Variants in BUB1B observed in about 807,000 individuals in gnomAD.
BUB1B encodes the protein BUB1 mitotic checkpoint serine/threonine kinase B.
In BUB1B, 86 loss-of-function variants were observed where a neutral mutation model predicts 137.7. The observed-to-expected ratio is 0.62, with a 90% CI of 0.52 to 0.75. The LOEUF is 0.75. Among genes scored for constraint, BUB1B ranks in the 30% least tolerant of loss-of-function variants. The pLI, the probability that BUB1B is intolerant of heterozygous loss-of-function variation, is 0.00. For missense variants in BUB1B, 1,130 were observed against 1,236.9 expected, an observed-to-expected ratio of 0.91 and a Z score of 1.30; for synonymous variants, 420 against 417.9, an observed-to-expected ratio of 1.00 and a Z score of -0.06.
chr15:40,201,651 A>T (rs962227793), intron 12 of BUB1B, among the ~76,000 whole-genome samples: 3 of 152,088 alleles, frequency 2.0e-5, no homozygotes, highest in East Asian at 1.9e-4. Context: ...AACAAACTTT[A>T]AAAAAATTTT....
intron 4 of BUB1B, among the ~76,000 whole-genome samples, chr15:40,171,405 G>A (rs2037161188): frequency 6.6e-6 from 1 of 152,050 alleles, no homozygotes; most frequent in Non-Finnish European, 1.5e-5. Context: ...AATTAACCAG[G>A]TGTGGTGGCA....
At chr15:40,163,024 TC>T (rs1376083581) in intron 1 of BUB1B, among the ~76,000 whole-genome samples, 10 of 152,200 alleles carry the variant, frequency 6.6e-5, no homozygotes, top group African/African-American at 2.4e-4. Flanking sequence ...TTTCATGTTT[TC>T]CGCATGTCTG....
rs1378857513 is a variant in BUB1B, at chr15:40,180,247, GTTTC to G, written c.582-3463_582-3460del. On this transcript the variant is annotated intron_variant, in intron 5 of 22. Transcript: ENST00000287598. ...ATATAGAATTCTGGGTCAACGTTTCGTTTCTTTTTTTTTTTTTTTTTTTTGAGAT... is the reference window on the plus strand; with the variant it reads ...ATATAGAATTCTGGGTCAACGTTTCGTTTTTTTTTTTTTTTTTTTTGAGAT... 5.2e-3 allele frequency among the ~76,000 whole-genome samples: 567 copies of G among 108,760 alleles called. 12 individuals carry two copies. The highest frequency in any genetic ancestry group is 0.014 in the Middle Eastern group (3 of 222). 71.4% of individuals were successfully genotyped at this position (108,760 alleles called of 152,430 possible).
intron 5 of BUB1B, among the ~76,000 whole-genome samples, chr15:40,183,139 A>AT (rs2037314708): frequency 6.6e-6 from 1 of 152,160 alleles, no homozygotes. Flanking sequence ...GGAATGGAGA[A>AT]TCTCTTCTGA....
rs990543728 is a variant in BUB1B, at chr15:40,164,908, A to G, written c.36-145A>G. The G allele has an allele frequency of 4.8e-6, 5 of 1,041,456 alleles. No homozygotes were observed. In the African/African-American group the frequency reaches 8.0e-5, roughly 17 times the overall value. 64.5% of individuals were successfully genotyped at this position (1,041,456 alleles called of 1,614,324 possible). On this transcript the variant is annotated intron_variant, in intron 1 of 22. Coordinates refer to ENST00000287598, the MANE Select transcript of BUB1B (RefSeq NM_001211.6). ...AAACAGCTAACAAAGAAGCTTAGGCATATAATAATAATAATAATTATGTGT... is the reference window on the plus strand; with the variant it reads ...AAACAGCTAACAAAGAAGCTTAGGCGTATAATAATAATAATAATTATGTGT...
chr15:40,182,708 C>A lies in BUB1B; in HGVS notation c.582-1006C>A, dbSNP rs113641362. ...AATTAGGAGATCCTCTTGTTCAGCT[C>A]ATTCCTTTGCAGTTCTCCTCCCATA... is the stretch of plus-strand genomic sequence containing the variant. On this transcript the variant is annotated intron_variant, in intron 5 of 22. Coordinates refer to ENST00000287598, the MANE Select transcript of BUB1B (RefSeq NM_001211.6). 6.1e-3 allele frequency among the ~76,000 whole-genome samples: 927 copies of A among 152,312 alleles called. 8 individuals are homozygous for A. Among genetic ancestry groups the A allele is most frequent in the African/African-American group, 0.021 (887 of 41,558 alleles).
chr15:40,220,983 A>C lies in BUB1B; in HGVS notation c.*224A>C. 1.7e-6 allele frequency: 1 copy of C among 573,778 alleles called. No homozygotes were observed. The highest frequency in any genetic ancestry group is 3.1e-6 in the Non-Finnish European group (1 of 320,900). 35.5% of individuals were successfully genotyped at this position (573,778 alleles called of 1,614,324 possible). A position where few individuals can be genotyped will look rare whatever the true frequency, so the allele number is the denominator to read the frequency against. ...TTTTGTGAAGAACTATTTTATTCTAAACAGACTCATTACAAATGGTTACCT... is the reference window on the plus strand; with the variant it reads ...TTTTGTGAAGAACTATTTTATTCTACACAGACTCATTACAAATGGTTACCT... On this transcript the variant is annotated 3_prime_UTR_variant, in exon 23 of 23. Coordinates refer to ENST00000287598, the MANE Select transcript of BUB1B (RefSeq NM_001211.6).
At chr15:40,196,241 G>A (rs1014361054) in intron 8 of BUB1B, among the ~76,000 whole-genome samples, 3 of 152,134 alleles carry the variant, frequency 2.0e-5, no homozygotes, top group African/African-American at 7.2e-5. Context: ...GTTGAATAGA[G>A]TATCTTTCCC....
chr15:40,210,604 A>C (rs2037698662), intron 18 of BUB1B, among the ~76,000 whole-genome samples: 1 of 152,022 alleles, frequency 6.6e-6, no homozygotes, highest in African/African-American at 2.4e-5. Flanking sequence ...CAACCTCTTG[A>C]GCTCAAGCAA....
chr15:40,165,297 A>C (rs141480116), intron 2 of BUB1B, 101 bp downstream of exon 2: 150 of 1,503,064 alleles, frequency 1.0e-4, no homozygotes, highest in Middle Eastern at 4.1e-4. Context: ...AGTACTTTTC[A>C]AAAATTGGTA....
chr15:40,210,310 T>C, intron 18 of BUB1B, 100 bp downstream of exon 18: 1 of 921,836 alleles, frequency 1.1e-6, no homozygotes, highest in Non-Finnish European at 1.7e-6. Flanking sequence ...ATAATCTCTT[T>C]CAATATGTCC....
chr15:40,166,695 T>G (rs2037102795), intron 2 of BUB1B, among the ~76,000 whole-genome samples: 1 of 152,238 alleles, frequency 6.6e-6, no homozygotes, highest in African/African-American at 2.4e-5. Flanking sequence ...AGAATAGATG[T>G]ATGTTTAACT....
intron 2 of BUB1B, 55 bp downstream of exon 2, chr15:40,165,251 T>G (rs2037082251): frequency 4.3e-6 from 7 of 1,611,592 alleles, no homozygotes; most frequent in Non-Finnish European, 5.9e-6. Context: ...ATGTTGTAGA[T>G]AACGTGGGTG....
In BUB1B at chr15:40,199,816, C is replaced by T. The variant is rs73390167; in HGVS notation, c.1401+89C>T. On this transcript the variant is annotated intron_variant, in intron 10 of 22. Transcript: ENST00000287598. Reference sequence around the variant, plus strand: ...ATATAGAAGGTTAAAGTCCTCCCAACCCCCATTTAGAGTTTCTGGTAGTTT... The same window carrying T: ...ATATAGAAGGTTAAAGTCCTCCCAATCCCCATTTAGAGTTTCTGGTAGTTT... The T allele has an allele frequency of 0.014, 14,178 of 1,034,190 alleles. 1,160 individuals carry two copies. In the African/African-American group the frequency reaches 0.19, roughly 14 times the overall value. The allele number at this position is 1,034,190 out of a possible 1,614,324, so 64.1% of individuals were successfully genotyped here.
chr15:40,192,652 T>C (rs2037451133), intron 8 of BUB1B, among the ~76,000 whole-genome samples: 1 of 152,200 alleles, frequency 6.6e-6, no homozygotes, highest in Non-Finnish European at 1.5e-5. Flanking sequence ...TCATAGTATA[T>C]GTAGCCTTTT....
chr15:40,187,236 C>T (rs1410949840), intron 8 of BUB1B, among the ~76,000 whole-genome samples: 7 of 152,098 alleles, frequency 4.6e-5, no homozygotes, highest in African/African-American at 1.4e-4. Flanking sequence ...CGCCATTCTC[C>T]TGCCTCAGCC....
chr15:40,202,289 A>G, intron 12 of BUB1B, 116 bp from the exon 13 acceptor site: 1 of 875,082 alleles, frequency 1.1e-6, no homozygotes, highest in Non-Finnish European at 1.8e-6. Flanking sequence ...TTGTTATTAA[A>G]AAAACAGGTT....
In BUB1B at chr15:40,212,525, C is replaced by T. The variant is rs1555383645; in HGVS notation, c.2412C>T (p.Asp804=). 3.1e-6 allele frequency: 5 copies of T among 1,612,912 alleles called. No homozygotes were observed. The highest frequency in any genetic ancestry group is 4.2e-6 in the Non-Finnish European group (5 of 1,179,238). The change falls in exon 19 of 23, where the codon GAC becomes GAT. Residue 804 remains aspartate (D), a synonymous_variant. Coordinates refer to ENST00000287598, the MANE Select transcript of BUB1B (RefSeq NM_001211.6). ...IKVSSQPVPW[D]FYINLKLKER... is the part of the protein sequence containing the mutation. ...TATCTTCTCAACCTGTCCCATGGGACTTTTATATCAACCTCAAGTTAAAGG... is the reference window on the plus strand; with the variant it reads ...TATCTTCTCAACCTGTCCCATGGGATTTTTATATCAACCTCAAGTTAAAGG...
chr15:40,204,546 C>CCATAAGTATTTGCATAAGTAGTATTTG (rs2037613217), intron 14 of BUB1B, among the ~76,000 whole-genome samples: 1 of 151,096 alleles, frequency 6.6e-6, no homozygotes, highest in Non-Finnish European at 1.5e-5. Flanking sequence ...GCTAATATGG[C>CCATAAGTATTTGCATAAGTAGTATTTG]CATAAGTAGT....
Sources: allele counts gnomAD v4.1 joint callset (sites outside exome capture counted in the v4.1 genomes callset), GRCh38; gene constraint gnomAD v4.1.1; transcripts MANE v1.5; gene names NCBI Gene and HGNC (gene_info 2026-07-23, HGNC 2026-07-21).